The following LEF1 variants were observed in gnomAD, a reference collection of about 807,000 sequenced individuals.
LEF1 encodes lymphoid enhancer binding factor 1, also known as lymphoid enhancer-binding factor 1.
LEF1 carries 14 observed loss-of-function variants against 51.2 expected under a neutral mutation model. The observed-to-expected ratio is 0.27, with a 90% CI of 0.18 to 0.43. The LOEUF (loss-of-function observed/expected upper bound fraction) is 0.43. Among genes scored for constraint, LEF1 ranks in the 20% least tolerant of loss-of-function variants. LEF1 has a pLI of 1.00. For synonymous variants in LEF1, 185 were observed against 183.2 expected (o/e 1.01, Z -0.08); for missense variants, 386 against 512.0 (o/e 0.75, Z 2.37).
Position 108,140,918 on chromosome 4 carries a change from A to G in LEF1, c.414+22650T>C, listed in dbSNP as rs184570358. Among the ~76,000 whole-genome samples, 233 of 152,356 alleles carry G rather than the reference A, an allele frequency of 1.5e-3. 1 individual carries two copies. Among genetic ancestry groups the G allele is most frequent in the African/African-American group, 5.3e-3 (220 of 41,586 alleles). On this transcript the variant is annotated intron_variant, in intron 3 of 11. Coordinates refer to ENST00000265165, the MANE Select transcript of LEF1 (RefSeq NM_016269.5). ...ACAAGGGAAGATGGTACAACTGACA[A>G]AAATCATTTCCCCAAAAAGCCTCAA...
chr4:108,084,395 G>A (rs750190843), intron 4 of LEF1, among the ~76,000 whole-genome samples: 7 of 152,148 alleles, frequency 4.6e-5, no homozygotes, highest in Non-Finnish European at 8.8e-5. Flanking sequence ...CAGATTATAC[G>A]TTTAGTGACT....
rs1423707069 is a variant in LEF1, at chr4:108,081,731, G to C, written c.639-62C>G. The C allele has an allele frequency of 4.4e-6, 5 of 1,145,538 alleles. No homozygotes were observed. In the Admixed American group the frequency reaches 5.4e-5, roughly 12 times the overall value. 71.0% of individuals were successfully genotyped at this position (1,145,538 alleles called of 1,614,324 possible). A position where few individuals can be genotyped will look rare whatever the true frequency, so the allele number is the denominator to read the frequency against. On this transcript the variant is annotated intron_variant, in intron 5 of 11. Transcript: ENST00000265165. ...AACACCAGTTACCAACCAGTAGTAA[G>C]AGTTGGATGAGGGGAGAAGAGGGAG...
At chr4:108,154,932 A>G (rs1472003598) in intron 3 of LEF1, among the ~76,000 whole-genome samples, 1 of 152,218 alleles carries the variant, frequency 6.6e-6, no homozygotes, top group Non-Finnish European at 1.5e-5. Flanking sequence ...AGGAGGCTAG[A>G]AAAACATTGA....
At chr4:108,146,443 G>A (rs1195802769) in intron 3 of LEF1, among the ~76,000 whole-genome samples, 2 of 152,196 alleles carry the variant, frequency 1.3e-5, no homozygotes, top group African/African-American at 4.8e-5. Context: ...TAACATATGA[G>A]ATGTCCTCCC....
At chr4:108,125,003 G>C (rs901645175) in intron 3 of LEF1, among the ~76,000 whole-genome samples, 10 of 152,098 alleles carry the variant, frequency 6.6e-5, no homozygotes, top group Non-Finnish European at 8.8e-5. Flanking sequence ...ATCATATAGA[G>C]TTTAGCTCAT....
chr4:108,128,041 T>A (rs187230417), intron 3 of LEF1, among the ~76,000 whole-genome samples: 45 of 152,358 alleles, frequency 3.0e-4, no homozygotes, highest in African/African-American at 1.1e-3. Flanking sequence ...ATTCACTGCA[T>A]AATTTGAATT....
chr4:108,149,974 T>C (rs1560825160), intron 3 of LEF1, among the ~76,000 whole-genome samples: 1 of 151,912 alleles, frequency 6.6e-6, no homozygotes, highest in Non-Finnish European at 1.5e-5. Flanking sequence ...AAAAAAGATA[T>C]TTCCTTTTGA....
At chr4:108,150,152 T>G (rs1031506735) in intron 3 of LEF1, among the ~76,000 whole-genome samples, 5 of 152,164 alleles carry the variant, frequency 3.3e-5, no homozygotes, top group African/African-American at 1.2e-4. Flanking sequence ...AAATCACCAC[T>G]AACTGCTCCT....
Position 108,155,752 on chromosome 4 carries a change from T to C in LEF1, c.414+7816A>G, listed in dbSNP as rs550952658. Among the ~76,000 whole-genome samples the C allele has an allele frequency of 2.0e-5, 3 of 152,342 alleles. No homozygotes were observed. The East Asian group carries it at 5.8e-4, about 29-fold the overall frequency. On this transcript the variant is annotated intron_variant, in intron 3 of 11. Transcript: ENST00000265165. ...ATGCCATTTAACCTTCCCAAAGTTT[T>C]CAGAAGAAGATGATGGAGACCCGAC...
intron 4 of LEF1, among the ~76,000 whole-genome samples, chr4:108,087,329 C>A (rs1351830604): frequency 6.6e-6 from 1 of 151,920 alleles, no homozygotes; most frequent in Non-Finnish European, 1.5e-5. Flanking sequence ...ACAAAAATCA[C>A]ATCAATCTTT....
intron 3 of LEF1, among the ~76,000 whole-genome samples, chr4:108,152,123 G>A (rs1360227000): frequency 6.6e-6 from 1 of 152,224 alleles, no homozygotes; most frequent in African/African-American, 2.4e-5. Flanking sequence ...AGAGAGAGTA[G>A]TCACTCTTGA....
At chr4:108,084,468 T>G (rs1045733950) in intron 4 of LEF1, among the ~76,000 whole-genome samples, 1 of 152,228 alleles carries the variant, frequency 6.6e-6, no homozygotes, top group African/African-American at 2.4e-5. Context: ...GTTTCTTAAA[T>G]ATTCTGCTTT....
chr4:108,141,140 T>C (rs1437646232), intron 3 of LEF1, among the ~76,000 whole-genome samples: 1 of 152,218 alleles, frequency 6.6e-6, no homozygotes, highest in East Asian at 1.9e-4. Flanking sequence ...TTAAATTCAC[T>C]TTCCTTCTCT....
chr4:108,115,519 T>C (rs1194782895), intron 3 of LEF1, among the ~76,000 whole-genome samples: 3 of 152,198 alleles, frequency 2.0e-5, no homozygotes, highest in African/African-American at 4.8e-5. Flanking sequence ...AAATAAATAG[T>C]AGCTGATGCC....
At chr4:108,064,410 T>C in intron 9 of LEF1, 26 bp from the exon 10 acceptor site, 3 of 1,556,752 alleles carry the variant, frequency 1.9e-6, no homozygotes, top group Non-Finnish European at 8.9e-7. Flanking sequence ...TATACTGTCA[T>C]GTCACAGATT....
intron 3 of LEF1, among the ~76,000 whole-genome samples, chr4:108,150,587 A>G (rs991197973): frequency 1.3e-5 from 2 of 152,176 alleles, no homozygotes; most frequent in African/African-American, 4.8e-5. Context: ...TTTAATCCTC[A>G]AAGTAGTTTA....
At chr4:108,125,218 C>T (rs980739390) in intron 3 of LEF1, among the ~76,000 whole-genome samples, 12 of 152,112 alleles carry the variant, frequency 7.9e-5, no homozygotes, top group African/African-American at 2.9e-4. Flanking sequence ...GGCTGGAGTG[C>T]AGTGGCGCAA....
chr4:108,119,013 T>C (rs1247044419), intron 3 of LEF1, among the ~76,000 whole-genome samples: 1 of 151,742 alleles, frequency 6.6e-6, no homozygotes, highest in East Asian at 1.9e-4. Flanking sequence ...GCACAGTACA[T>C]GATTTGTGAT....
At position 108,048,667 on chromosome 4, in the gene LEF1, G is replaced by C; in HGVS notation, c.*91C>G. ...CTGGGCAGGCCGTGGAGACAGTCTG[G>C]GTTTTCAACAAGCTTCCATCTCCAG... On this transcript the variant is annotated 3_prime_UTR_variant, in exon 12 of 12. Transcript: ENST00000265165. The C allele has an allele frequency of 1.9e-6, 3 of 1,590,910 alleles. No individual in the cohort carries two copies. Among genetic ancestry groups the C allele is most frequent in the Non-Finnish European group, 1.7e-6 (2 of 1,167,190 alleles).
Sources: gnomAD v4.1 joint callset for allele counts (sites outside exome capture counted in the v4.1 genomes callset) on GRCh38, gnomAD v4.1.1 for gene constraint, MANE v1.5 for transcripts, NCBI Gene and HGNC (gene_info 2026-07-23, HGNC 2026-07-21) for gene names.